Variants in RALGPS2 observed in about 807,000 individuals in gnomAD.
RALGPS2 encodes the protein ras-specific guanine nucleotide-releasing factor RalGPS2.
In RALGPS2, 43 loss-of-function variants were observed where a neutral mutation model predicts 86.8. That is an observed-to-expected ratio of 0.50 (90% CI 0.39 to 0.64). RALGPS2 has a LOEUF of 0.64. RALGPS2 is among the 30% of genes least tolerant of loss of function. RALGPS2 has a pLI of 0.00. For synonymous variants in RALGPS2, 243 were observed against 231.3 expected, an observed-to-expected ratio of 1.05 and a Z score of -0.46; for missense variants, 536 against 694.6, an observed-to-expected ratio of 0.77 and a Z score of 2.57.
At chr1:178,838,102 G>T (rs537432619) in intron 8 of RALGPS2, among the ~76,000 whole-genome samples, 18 of 152,298 alleles carry the variant, frequency 1.2e-4, no homozygotes, top group African/African-American at 4.3e-4. Context: ...ACCTCTGCAG[G>T]GCATAGCTGA....
intron 16 of RALGPS2, among the ~76,000 whole-genome samples, chr1:178,896,573 T>G (rs1558176474): frequency 6.7e-6 from 1 of 149,098 alleles, no homozygotes; most frequent in Non-Finnish European, 1.5e-5. Context: ...ACCCACTAAC[T>G]CGTCATCTAG....
chr1:178,856,189 C>A (rs1657525599), intron 8 of RALGPS2, among the ~76,000 whole-genome samples: 1 of 58,352 alleles, frequency 1.7e-5, no homozygotes, highest in East Asian at 3.9e-4. Context: ...CTGTACTTTT[C>A]CAGAGAGAGA....
At chr1:178,826,968 A>G (rs1354908021) in intron 7 of RALGPS2, among the ~76,000 whole-genome samples, 1 of 152,222 alleles carries the variant, frequency 6.6e-6, no homozygotes, top group Non-Finnish European at 1.5e-5. Context: ...GGTTTTTGAA[A>G]CTGTAAAATA....
At chr1:178,874,722 G>T (rs1209008934) in intron 8 of RALGPS2, among the ~76,000 whole-genome samples, 1 of 152,162 alleles carries the variant, frequency 6.6e-6, no homozygotes, top group Non-Finnish European at 1.5e-5. Flanking sequence ...GGATGTTGTA[G>T]TCATAAGTTG....
chr1:178,811,502 C>A, intron 6 of RALGPS2, 98 bp downstream of exon 6: 2 of 911,368 alleles, frequency 2.2e-6, no homozygotes, highest in Non-Finnish European at 3.3e-6. Flanking sequence ...TTTATTGATA[C>A]TGGAAAAATA....
intron 7 of RALGPS2, among the ~76,000 whole-genome samples, chr1:178,824,964 C>A (rs1187720308): frequency 6.6e-6 from 1 of 151,996 alleles, no homozygotes; most frequent in African/African-American, 2.4e-5. Flanking sequence ...AAAGCAAGGT[C>A]TTTAGTTAAG....
chr1:178,864,908 A>G, intron 8 of RALGPS2: 2 of 1,293,996 alleles, frequency 1.5e-6, no homozygotes, highest in East Asian at 5.0e-5. Flanking sequence ...AAGGCATAAA[A>G]ATATAAACCT....
intron 4 of RALGPS2, among the ~76,000 whole-genome samples, chr1:178,806,549 G>T (rs1654756864): frequency 6.6e-6 from 1 of 152,064 alleles, no homozygotes; most frequent in South Asian, 2.1e-4. Flanking sequence ...TTGTTTAAAA[G>T]ATTTAGTCAC....
intron 7 of RALGPS2, among the ~76,000 whole-genome samples, chr1:178,832,201 C>T (rs746350631): frequency 5.3e-5 from 8 of 152,080 alleles, no homozygotes; most frequent in Non-Finnish European, 1.2e-4. Flanking sequence ...ATTGTAAAAC[C>T]GCTGTTTTAG....
At chr1:178,883,100 A>G (rs1659330201) in intron 10 of RALGPS2, among the ~76,000 whole-genome samples, 1 of 152,176 alleles carries the variant, frequency 6.6e-6, no homozygotes, top group African/African-American at 2.4e-5. Context: ...TTTAAATACA[A>G]CTTTTTAATG....
chr1:178,743,290 A>G (rs1223419183), intron 1 of RALGPS2, among the ~76,000 whole-genome samples: 1 of 152,224 alleles, frequency 6.6e-6, no homozygotes, highest in Non-Finnish European at 1.5e-5. Context: ...GAATGCCTAC[A>G]TAAGAAAAGA....
chr1:178,732,293 TTTTATTTA>T (rs60426564), intron 1 of RALGPS2, among the ~76,000 whole-genome samples: 6,458 of 150,206 alleles, frequency 0.043, 486 homozygotes, highest in African/African-American at 0.15. Context: ...TCCTGATTTA[TTTTATTTA>T]TTTATTTATT....
intron 1 of RALGPS2, among the ~76,000 whole-genome samples, chr1:178,748,721 C>T (rs911061437): frequency 8.6e-5 from 13 of 151,848 alleles, no homozygotes; most frequent in East Asian, 1.9e-4. Context: ...GCTGTGGTGG[C>T]GGGCACCTGT....
At chr1:178,828,774 C>T (rs942596483) in intron 7 of RALGPS2, among the ~76,000 whole-genome samples, 1 of 151,972 alleles carries the variant, frequency 6.6e-6, no homozygotes, top group Non-Finnish European at 1.5e-5. Flanking sequence ...AGATAACTAA[C>T]GAGTTTTGGT....
intron 8 of RALGPS2, among the ~76,000 whole-genome samples, chr1:178,857,949 C>T (rs1050525314): frequency 6.6e-6 from 1 of 152,100 alleles, no homozygotes; most frequent in Non-Finnish European, 1.5e-5. Context: ...TTTTCTGAAT[C>T]CAGCTTTGAT....
intron 4 of RALGPS2, among the ~76,000 whole-genome samples, chr1:178,807,652 G>T (rs1469947564): frequency 6.6e-6 from 1 of 152,134 alleles, no homozygotes; most frequent in African/African-American, 2.4e-5. Flanking sequence ...AGTGTTTGGG[G>T]TAATTGACTG....
intron 4 of RALGPS2, among the ~76,000 whole-genome samples, chr1:178,796,260 T>C (rs1020322271): frequency 5.3e-5 from 8 of 152,168 alleles, no homozygotes; most frequent in South Asian, 2.1e-4. Flanking sequence ...AGGATGTGAG[T>C]ACATTAGAAA....
Position 178,920,450 on chromosome 1 carries a change from G to C in RALGPS2, c.*4091G>C, listed in dbSNP as rs1014570784. On this transcript the variant is annotated 3_prime_UTR_variant, in exon 20 of 20. Transcript: ENST00000367635. Reference sequence around the variant, plus strand: ...GTGCCCTCTTGCTCCTCTTATTTCAGGAGTGTGTGCTATCCCTCTCTCCAC... The same window carrying C: ...GTGCCCTCTTGCTCCTCTTATTTCACGAGTGTGTGCTATCCCTCTCTCCAC... The C allele has an allele frequency of 3.9e-5, 6 of 151,918 alleles. No homozygotes were observed. Among genetic ancestry groups the C allele is most frequent in the African/African-American group, 1.2e-4 (5 of 41,420 alleles). 9.4% of individuals were successfully genotyped at this position (151,918 alleles called of 1,614,324 possible).
At position 178,879,376 on chromosome 1, in the gene RALGPS2, C is replaced by A. The variant is rs3820165; in HGVS notation, c.836+384C>A. Reference sequence around the variant, plus strand: ...TCTTTAATGCTAAGTATTGACACATCGTTGTTTGTTTTTCATTGTTTTTGC... The same window carrying A: ...TCTTTAATGCTAAGTATTGACACATAGTTGTTTGTTTTTCATTGTTTTTGC... On this transcript the variant is annotated intron_variant, in intron 10 of 19. Coordinates refer to ENST00000367635, the MANE Select transcript of RALGPS2 (RefSeq NM_152663.5). 2.9e-4 allele frequency: 45 copies of A among 155,732 alleles called. 1 individual carries two copies. The East Asian group carries it at 4.3e-3, about 15-fold the overall frequency. 9.6% of individuals were successfully genotyped at this position (155,732 alleles called of 1,614,324 possible). A position where few individuals can be genotyped will look rare whatever the true frequency, so the allele number is the denominator to read the frequency against.
Sources: gnomAD v4.1 joint callset for allele counts (sites outside exome capture counted in the v4.1 genomes callset) on GRCh38, gnomAD v4.1.1 for gene constraint, MANE v1.5 for transcripts, NCBI Gene and HGNC (gene_info 2026-07-23, HGNC 2026-07-21) for gene names.